Variants in BIRC6 observed in about 807,000 individuals in gnomAD.
The protein encoded by BIRC6 is dual E2 ubiquitin-conjugating enzyme/E3 ubiquitin-protein ligase BIRC6.
A neutral mutation model predicts 503.3 loss-of-function variants in BIRC6; 98 were observed. That is an observed-to-expected ratio of 0.19 (90% confidence interval 0.17 to 0.23). The LOEUF (loss-of-function observed/expected upper bound fraction) is 0.23, where lower values mean the gene tolerates loss of function less well. Among genes scored for constraint, BIRC6 ranks in the 10% least tolerant of loss-of-function variants. BIRC6 has a pLI of 1.00. For synonymous variants in BIRC6, 2,240 were observed against 2,078.7 expected (o/e 1.08, Z -2.11); for missense variants, 5,360 against 5,806.0 (o/e 0.92, Z 2.50).
chr2:32,455,751 C>A (rs1326574271), intron 23 of BIRC6, among the ~76,000 whole-genome samples: 1 of 152,212 alleles, frequency 6.6e-6, no homozygotes, highest in Non-Finnish European at 1.5e-5. Flanking sequence ...TCTCCACACT[C>A]CCCACCCATT....
At chr2:32,417,868 C>T (rs1406613882) in intron 10 of BIRC6, among the ~76,000 whole-genome samples, 2 of 152,190 alleles carry the variant, frequency 1.3e-5, no homozygotes, top group African/African-American at 4.8e-5. Context: ...CAACTTCTGC[C>T]TCCCAGGTTC....
At chr2:32,459,460 T>C (rs890647955) in intron 23 of BIRC6, among the ~76,000 whole-genome samples, 1 of 152,226 alleles carries the variant, frequency 6.6e-6, no homozygotes, top group Non-Finnish European at 1.5e-5. Flanking sequence ...CTTGGGTATG[T>C]ACCTATGAGT....
chr2:32,532,830 A>C (rs926322668), intron 61 of BIRC6, among the ~76,000 whole-genome samples: 3 of 152,150 alleles, frequency 2.0e-5, no homozygotes, highest in Admixed American at 2.0e-4. Context: ...GCTCAACATA[A>C]ATGATTTTTT....
chr2:32,440,213 A>G (rs868584423), intron 16 of BIRC6, among the ~76,000 whole-genome samples: 1 of 152,304 alleles, frequency 6.6e-6, no homozygotes, highest in Middle Eastern at 3.4e-3. Context: ...AGCTTTTGTA[A>G]TGTATACTGA....
chr2:32,583,169 A>G (rs945598914), intron 66 of BIRC6, among the ~76,000 whole-genome samples: 11 of 152,216 alleles, frequency 7.2e-5, no homozygotes, highest in Non-Finnish European at 1.2e-4. Flanking sequence ...CTGTTAGAGT[A>G]ACCTATTGAC....
At chr2:32,431,759 G>A (rs552188484) in intron 12 of BIRC6, among the ~76,000 whole-genome samples, 2 of 152,302 alleles carry the variant, frequency 1.3e-5, no homozygotes, top group South Asian at 2.1e-4. Context: ...TTTAATAAAA[G>A]CAGGCACTCT....
rs374490867 is a variant in BIRC6 at position 32,463,397 on chromosome 2, G to C, written c.4941+16G>C. 24 of 1,582,606 alleles carry C rather than the reference G, an allele frequency of 1.5e-5. No individual in the cohort carries two copies. Among genetic ancestry groups the C allele is most frequent in the Middle Eastern group, 1.7e-4 (1 of 5,864 alleles). On this transcript the variant is annotated intron_variant, in intron 24 of 73. Transcript: ENST00000421745. ...TCAGCAACAGGTTGGAGACTATTTGGCTCTTTGTTCATGCTGTCTCTAAAC... is the reference window on the plus strand; with the variant it reads ...TCAGCAACAGGTTGGAGACTATTTGCCTCTTTGTTCATGCTGTCTCTAAAC...
intron 65 of BIRC6, chr2:32,564,210 T>C (rs2059383588): frequency 6.6e-6 from 1 of 152,246 alleles, no homozygotes; most frequent in African/African-American, 2.4e-5. Context: ...ATATTTTATG[T>C]AAATTGGATC....
intron 20 of BIRC6, among the ~76,000 whole-genome samples, chr2:32,444,031 G>GTTTTTTTTCTTTTTTTTTT (rs2045704431): frequency 7.3e-6 from 1 of 136,884 alleles, no homozygotes; most frequent in African/African-American, 2.8e-5. Flanking sequence ...GGGACCAGTG[G>GTTTTTTTTCTTTTTTTTTT]TTTTTTTTTT....
intron 32 of BIRC6, 77 bp downstream of exon 32, chr2:32,471,201 C>T: frequency 1.2e-5 from 19 of 1,520,928 alleles, no homozygotes; most frequent in Non-Finnish European, 1.5e-5. Flanking sequence ...AGTGACTTCG[C>T]AGTTGTTCCA....
chr2:32,453,911 T>C lies in BIRC6; in HGVS notation c.4722T>C (p.Ser1574=). ...EPLHFTCVST[S]DGTRIERDDA... Reference sequence around the variant, plus strand: ...TGCACTTTACTTGTGTGTCAACTAGTGATGGAACCAGAATAGAAAGGGATG... The same window carrying C: ...TGCACTTTACTTGTGTGTCAACTAGCGATGGAACCAGAATAGAAAGGGATG... Residue 1574 remains serine, a synonymous_variant, in exon 23 of 74, where the codon AGT becomes AGC. Transcript: ENST00000421745. 2 of 1,613,510 alleles carry C rather than the reference T, an allele frequency of 1.2e-6. No individual in the cohort carries two copies. Among genetic ancestry groups the C allele is most frequent in the Non-Finnish European group, 1.7e-6 (2 of 1,179,472 alleles).
chr2:32,397,845 T>C (rs1448802640), intron 6 of BIRC6, among the ~76,000 whole-genome samples: 1 of 152,064 alleles, frequency 6.6e-6, no homozygotes, highest in African/African-American at 2.4e-5. Context: ...CTATGGAAAG[T>C]TGATTAAAAT....
chr2:32,448,985 C>G (rs920876145), intron 22 of BIRC6, 57 bp downstream of exon 22: 2 of 1,512,998 alleles, frequency 1.3e-6, no homozygotes, highest in Non-Finnish European at 1.8e-6. Flanking sequence ...ATTTAAGTTG[C>G]CATTTGACTT....
intron 20 of BIRC6, among the ~76,000 whole-genome samples, chr2:32,444,041 T>TC (rs1379957678): frequency 1.3e-5 from 2 of 151,966 alleles, no homozygotes; most frequent in African/African-American, 4.8e-5. Flanking sequence ...GTTTTTTTTT[T>TC]TTTTTTTTAA....
intron 6 of BIRC6, among the ~76,000 whole-genome samples, chr2:32,396,129 T>A (rs1228089675): frequency 6.6e-6 from 1 of 152,192 alleles, no homozygotes; most frequent in Non-Finnish European, 1.5e-5. Flanking sequence ...AATATTTATA[T>A]AAGATGGTAT....
chr2:32,441,953 G>A, intron 17 of BIRC6, 112 bp from the exon 18 acceptor site: 4 of 781,900 alleles, frequency 5.1e-6, no homozygotes, highest in Non-Finnish European at 7.5e-6. Context: ...GTTTTTAAAT[G>A]TACTTGAGAT....
chr2:32,393,946 CTATATATATA>C (rs10580859), intron 5 of BIRC6, among the ~76,000 whole-genome samples: 1 of 145,534 alleles, frequency 6.9e-6, no homozygotes, highest in Non-Finnish European at 1.5e-5. Flanking sequence ...AACCAGAAAA[CTATATATATA>C]TATATATATA....
chr2:32,439,410 T>G lies in BIRC6; in HGVS notation c.3632-98T>G, dbSNP rs2045147023. Reference sequence around the variant, plus strand: ...TTGAAAGTTCTGGCCTACTGTACTTTTTGTGGAGTTAGTTGTTGATCTTGT... The same window carrying G: ...TTGAAAGTTCTGGCCTACTGTACTTGTTGTGGAGTTAGTTGTTGATCTTGT... On this transcript the variant is annotated intron_variant, in intron 15 of 73. Coordinates refer to ENST00000421745, the MANE Select transcript of BIRC6 (RefSeq NM_016252.4). The G allele has an allele frequency of 1.2e-5, 14 of 1,214,850 alleles. 1 individual carries two copies. The South Asian group carries it at 2.2e-4, about 19-fold the overall frequency. The allele number at this position is 1,214,850 out of a possible 1,614,324, so 75.3% of individuals were successfully genotyped here. A position where few individuals can be genotyped will look rare whatever the true frequency, so the allele number is the denominator to read the frequency against.
At chr2:32,474,503 G>T (rs2049501622) in intron 33 of BIRC6, among the ~76,000 whole-genome samples, 1 of 152,132 alleles carries the variant, frequency 6.6e-6, no homozygotes, top group African/African-American at 2.4e-5. Flanking sequence ...AAACTTAAAA[G>T]GTGCCTTGAG....
Sources: allele counts gnomAD v4.1 joint callset (sites outside exome capture counted in the v4.1 genomes callset), GRCh38; gene constraint gnomAD v4.1.1; transcripts MANE v1.5; gene names NCBI Gene and HGNC (gene_info 2026-07-23, HGNC 2026-07-21).